The following TBRG1 variants were observed in gnomAD, a reference collection of about 807,000 sequenced individuals.
TBRG1 encodes the protein transforming growth factor beta regulator 1, also known as nuclear interactor of ARF and MDM2.
Under a neutral mutation model 44.0 loss-of-function variants are expected in TBRG1, and 31 were observed. The observed-to-expected ratio is 0.70, with a 90% CI of 0.53 to 0.95. The LOEUF (loss-of-function observed/expected upper bound fraction) is 0.95. TBRG1 is among the 40% of genes least tolerant of loss of function. TBRG1 has a pLI of 0.00. For missense variants in TBRG1, 487 were observed against 496.1 expected, an observed-to-expected ratio of 0.98 and a Z score of 0.18; for synonymous variants, 171 against 188.1, an observed-to-expected ratio of 0.91 and a Z score of 0.74.
At position 124,625,766 on chromosome 11, in the gene TBRG1, A is replaced by G. The variant is rs1591373208; in HGVS notation, c.317A>G (p.Tyr106Cys). The G allele has an allele frequency of 6.4e-7, 1 of 1,572,124 alleles. No homozygotes were observed. ...PSHSSSLPLT[Y>C]GVASSVGTIQ... ...CACAGTTCCAGTTTGCCCCTGACTT[A>G]TGGTGTGGCCAGCTCTGTGGGAACT... Residue 106 changes from tyrosine (Y) to cysteine (C), a missense_variant, in exon 3 of 9, where the codon TAT becomes TGT. Physicochemically the swap from Tyr to Cys is radical, Grantham distance 194. Transcript: ENST00000441174.
intron 4 of TBRG1, 33 bp from the exon 5 acceptor site, chr11:124,626,871 C>T: frequency 6.3e-7 from 1 of 1,590,890 alleles, no homozygotes; most frequent in South Asian, 1.1e-5. Flanking sequence ...CTTCAGTGAC[C>T]TCAATCCCAG....
At chr11:124,628,068 TATA>T (rs1942512670) in intron 5 of TBRG1, among the ~76,000 whole-genome samples, 5 of 30,820 alleles carry the variant, frequency 1.6e-4, no homozygotes, top group East Asian at 1.5e-3. Context: ...AGCTGTTTTA[TATA>T]TATATATATA....
chr11:124,630,735 T>C lies in TBRG1; in HGVS notation c.837-10T>C, dbSNP rs368533372. The C allele has an allele frequency of 3.8e-6, 6 of 1,586,704 alleles. No homozygotes were observed. Among genetic ancestry groups the C allele is most frequent in the East Asian group, 2.3e-5 (1 of 44,362 alleles). Reference sequence around the variant, plus strand: ...AGCTCTCAAACTAAAATTATCCCTCTCCTGTTTAGGGGGAAACTAATGCCT... The same window carrying C: ...AGCTCTCAAACTAAAATTATCCCTCCCCTGTTTAGGGGGAAACTAATGCCT... On this transcript the variant is annotated splice_polypyrimidine_tract_variant and intron_variant, in intron 6 of 8. Coordinates refer to ENST00000441174, the MANE Select transcript of TBRG1 (RefSeq NM_032811.3).
In TBRG1 at chr11:124,626,951, C is replaced by G. The variant is rs138117855; in HGVS notation, c.639C>G (p.Pro213=). ...PGFHDESAIY[P]VGYCSTRIYA... is the part of the protein sequence containing the mutation. The stretch of plus-strand genomic sequence containing the variant: ...TTCATGATGAGAGTGCCATCTACCC[C>G]GTGGGCTATTGCAGTACTCGAATAT... The change falls in exon 5 of 9, where the codon CCC becomes CCG. Residue 213 remains proline, a synonymous_variant. Coordinates refer to ENST00000441174, the MANE Select transcript of TBRG1 (RefSeq NM_032811.3). 2 of 1,603,668 alleles carry G rather than the reference C, an allele frequency of 1.2e-6. No individual in the cohort carries two copies. The highest frequency in any genetic ancestry group is 1.7e-6 in the Non-Finnish European group (2 of 1,174,524).
At chr11:124,628,673 C>T (rs1233210325) in intron 5 of TBRG1, among the ~76,000 whole-genome samples, 2 of 152,050 alleles carry the variant, frequency 1.3e-5, no homozygotes, top group African/African-American at 2.4e-5. Flanking sequence ...TAATAATATC[C>T]AGTGCTGGCC....
intron 5 of TBRG1, among the ~76,000 whole-genome samples, chr11:124,628,116 T>TACACACACACACAC (rs368617758): frequency 5.0e-4 from 21 of 41,938 alleles, no homozygotes; most frequent in African/African-American, 1.6e-3. Flanking sequence ...TATATATATA[T>TACACACACACACAC]ACACACACAC....
Position 124,626,963 on chromosome 11 carries a change from C to T in TBRG1, c.651C>T (p.Cys217=). The T allele has an allele frequency of 1.3e-6, 2 of 1,599,110 alleles. No homozygotes were observed. Among genetic ancestry groups the T allele is most frequent in the Admixed American group, 1.7e-5 (1 of 58,256 alleles). ...GTGCCATCTACCCCGTGGGCTATTG[C>T]AGTACTCGAATATATGCCAGCATGA... ...DESAIYPVGY[C]STRIYASMKC... Residue 217 remains cysteine (C), a synonymous_variant, in exon 5 of 9, where the codon TGC becomes TGT. Coordinates refer to ENST00000441174, the MANE Select transcript of TBRG1 (RefSeq NM_032811.3).
chr11:124,631,524 A>G lies in TBRG1; in HGVS notation c.1090+107A>G. On this transcript the variant is annotated intron_variant, in intron 8 of 8. Transcript: ENST00000441174. ...TAAATATCTATGCATTGAGTGATAA[A>G]AGCTTTCATTGAATCAGCCTTGCGG... 4.9e-6 allele frequency: 6 copies of G among 1,228,892 alleles called. No homozygotes were observed. In the South Asian group the frequency reaches 7.5e-5, roughly 15 times the overall value. The allele number at this position is 1,228,892 out of a possible 1,614,324, so 76.1% of individuals were successfully genotyped here.
rs1942491161 is a variant in TBRG1 at position 124,626,978 on chromosome 11, T to A, written c.666T>A (p.Tyr222Ter). ...TGGGCTATTGCAGTACTCGAATATA[T>A]GCCAGCATGAAGTGCCCAGACCAGA... ...YPVGYCSTRI[Y>*]ASMKCPDQKC... The change falls in exon 5 of 9, where the codon TAT becomes TAA. Residue 222 changes from tyrosine to a stop codon, truncating the protein, a stop_gained. Transcript: ENST00000441174. LOFTEE classifies it high-confidence loss of function. 6.3e-7 allele frequency: 1 copy of A among 1,589,508 alleles called. No homozygotes were observed. The highest frequency in any genetic ancestry group is 8.6e-7 in the Non-Finnish European group (1 of 1,166,538).
Position 124,626,506 on chromosome 11 carries a change from CG to C in TBRG1, c.491del (p.Gly164GlufsTer24). ...AAAACATGCAAGAAAAAGAAAATGG[CG>C]GGAGGTGCTCGCAAGCTGGTTCAGC... ...LKKTCKKKKM[A>X]GGARKLVQPI... On this transcript the variant is annotated frameshift_variant, in exon 4 of 9. Coordinates refer to ENST00000441174, the MANE Select transcript of TBRG1 (RefSeq NM_032811.3). LOFTEE classifies it high-confidence loss of function. 6.5e-7 allele frequency: 1 copy of C among 1,548,280 alleles called. No individual in the cohort carries two copies. Among genetic ancestry groups the C allele is most frequent in the Admixed American group, 2.0e-5 (1 of 50,482 alleles).
At position 124,635,203 on chromosome 11, in the gene TBRG1, C is replaced by G. The variant is rs1942699246; in HGVS notation, c.*2965C>G. ...GTGGAGGAGTGGACGGGTAGATTGA[C>G]TTTTTCTCAGGCATCAATCTGTTAC... On this transcript the variant is annotated 3_prime_UTR_variant, in exon 9 of 9. Transcript: ENST00000441174. 1 of 152,168 alleles carries G rather than the reference C, an allele frequency of 6.6e-6. No homozygotes were observed. Among genetic ancestry groups the G allele is most frequent in the African/African-American group, 2.4e-5 (1 of 41,408 alleles). 9.4% of individuals were successfully genotyped at this position (152,168 alleles called of 1,614,324 possible). A position where few individuals can be genotyped will look rare whatever the true frequency, so the allele number is the denominator to read the frequency against.
chr11:124,628,857 A>C (rs1011806659), intron 5 of TBRG1, among the ~76,000 whole-genome samples: 4 of 152,196 alleles, frequency 2.6e-5, no homozygotes, highest in Admixed American at 2.6e-4. Context: ...GAAATGTGCA[A>C]ATGTGAACAA....
At position 124,634,385 on chromosome 11, in the gene TBRG1, C is replaced by T. The variant is rs1942676199; in HGVS notation, c.*2147C>T. Reference sequence around the variant, plus strand: ...AAAACACTGCCTTAGTATACTTAAACTATCTTTTCATCTATCAGATTGTTA... The same window carrying T: ...AAAACACTGCCTTAGTATACTTAAATTATCTTTTCATCTATCAGATTGTTA... On this transcript the variant is annotated 3_prime_UTR_variant, in exon 9 of 9. Coordinates refer to ENST00000441174, the MANE Select transcript of TBRG1 (RefSeq NM_032811.3). 1 of 152,126 alleles carries T rather than the reference C, an allele frequency of 6.6e-6. No homozygotes were observed. The highest frequency in any genetic ancestry group is 2.1e-4 in the South Asian group (1 of 4,828). 9.4% of individuals were successfully genotyped at this position (152,126 alleles called of 1,614,324 possible).
Position 124,632,378 on chromosome 11 carries a change from T to C in TBRG1, c.*140T>C. Reference sequence around the variant, plus strand: ...TTCATCATGGAAGGTCCTGTGGTGATGGTTTTCCCTGGGAAAACCTTCAGC... The same window carrying C: ...TTCATCATGGAAGGTCCTGTGGTGACGGTTTTCCCTGGGAAAACCTTCAGC... On this transcript the variant is annotated 3_prime_UTR_variant, in exon 9 of 9. Transcript: ENST00000441174. 1 of 587,176 alleles carries C rather than the reference T, an allele frequency of 1.7e-6. No individual in the cohort carries two copies. Among genetic ancestry groups the C allele is most frequent in the South Asian group, 3.0e-5 (1 of 33,786 alleles). 36.4% of individuals were successfully genotyped at this position (587,176 alleles called of 1,614,324 possible). A position where few individuals can be genotyped will look rare whatever the true frequency, so the allele number is the denominator to read the frequency against.
chr11:124,624,836 A>T (rs1444522321), intron 1 of TBRG1, 95 bp from the exon 2 acceptor site: 5 of 823,892 alleles, frequency 6.1e-6, no homozygotes, highest in Non-Finnish European at 9.8e-6. Flanking sequence ...CAGTAATACA[A>T]GCTTTTTTGG....
At position 124,632,302 on chromosome 11, in the gene TBRG1, G is replaced by C; in HGVS notation, c.*64G>C. ...TTAATTTAACTTAAACTAAAATTTT[G>C]GGTATATGAAAGAAGGCAGCAATTC... On this transcript the variant is annotated 3_prime_UTR_variant, in exon 9 of 9. Coordinates refer to ENST00000441174, the MANE Select transcript of TBRG1 (RefSeq NM_032811.3). 2.0e-6 allele frequency: 3 copies of C among 1,515,616 alleles called. No homozygotes were observed. Among genetic ancestry groups the C allele is most frequent in the Non-Finnish European group, 2.7e-6 (3 of 1,102,922 alleles). The allele number at this position is 1,515,616 out of a possible 1,614,324, so 93.9% of individuals were successfully genotyped here.
chr11:124,625,580 A>G (rs1942447552), intron 2 of TBRG1, 91 bp from the exon 3 acceptor site: 2 of 1,135,258 alleles, frequency 1.8e-6, no homozygotes, highest in Admixed American at 2.7e-5. Flanking sequence ...ATCTTTGTAT[A>G]TAATTCTGGC....
intron 5 of TBRG1, among the ~76,000 whole-genome samples, chr11:124,628,065 T>TTATATATATATATATATA (rs71042445): frequency 1.4e-5 from 1 of 69,840 alleles, no homozygotes; most frequent in Non-Finnish European, 3.0e-5. Context: ...AGTAGCTGTT[T>TTATATATATATATATATA]TATATATATA....
chr11:124,631,504 A>G, intron 8 of TBRG1, 87 bp downstream of exon 8: 1 of 1,345,572 alleles, frequency 7.4e-7, no homozygotes, highest in Non-Finnish European at 1.1e-6. Flanking sequence ...TACCCTAAAT[A>G]TCTATGCATT....
Sources: gnomAD v4.1 joint callset for allele counts (sites outside exome capture counted in the v4.1 genomes callset) on GRCh38, gnomAD v4.1.1 for gene constraint, MANE v1.5 for transcripts, NCBI Gene and HGNC (gene_info 2026-07-23, HGNC 2026-07-21) for gene names.